WDFY4: variants seen among roughly 807,000 people sequenced by gnomAD.
The protein encoded by WDFY4 is WD repeat- and FYVE domain-containing protein 4.
Under a neutral mutation model 351.9 loss-of-function variants are expected in WDFY4, and 169 were observed. That is an observed-to-expected ratio of 0.48 (90% confidence interval 0.42 to 0.55). The LOEUF (loss-of-function observed/expected upper bound fraction) is 0.55. WDFY4 is among the 20% of genes least tolerant of loss of function. The pLI is 0.00. For missense variants in WDFY4, 3,803 were observed against 3,935.6 expected (o/e 0.97, Z 0.90); for synonymous variants, 1,622 against 1,574.6 (o/e 1.03, Z -0.71).
At chr10:48,836,905 T>C (rs1301253603) in intron 39 of WDFY4, among the ~76,000 whole-genome samples, 1 of 152,192 alleles carries the variant, frequency 6.6e-6, no homozygotes, top group Non-Finnish European at 1.5e-5. Context: ...TTCACAGCCG[T>C]GGATTCAGCT....
intron 15 of WDFY4, 76 bp from the exon 16 acceptor site, chr10:48,776,674 C>T: frequency 7.4e-7 from 1 of 1,342,640 alleles, no homozygotes; most frequent in Non-Finnish European, 9.9e-7. Context: ...GCGGCAGATA[C>T]TTTGGGGTTA....
rs868016308 is a variant in WDFY4, at chr10:48,787,819, T to C, written c.3809-711T>C. On this transcript the variant is annotated intron_variant, in intron 20 of 61. Transcript: ENST00000325239. ...CCTCCTCCTCCTCCTCTTCTTCTTC[T>C]TCTTCTTCTTCTTCTTCTTCTTCTT... Among the ~76,000 whole-genome samples the C allele has an allele frequency of 3.3e-3, 428 of 129,892 alleles. 32 individuals are homozygous for C. Among genetic ancestry groups the C allele is most frequent in the African/African-American group, 0.013 (363 of 27,984 alleles). The allele number at this position is 129,892 out of a possible 152,430, so 85.2% of individuals were successfully genotyped here.
intron 1 of WDFY4, among the ~76,000 whole-genome samples, chr10:48,702,579 G>A (rs1248455993): frequency 1.3e-5 from 2 of 152,148 alleles, no homozygotes; most frequent in East Asian, 1.9e-4. Flanking sequence ...CCTTTGTACT[G>A]TAGAGAGGGA....
intron 1 of WDFY4, among the ~76,000 whole-genome samples, chr10:48,695,095 G>A (rs2063297695): frequency 6.6e-6 from 1 of 152,238 alleles, no homozygotes. Flanking sequence ...GCTTTGCCTG[G>A]AGGACAAATG....
At chr10:48,846,425 C>T (rs2068778369) in intron 39 of WDFY4, among the ~76,000 whole-genome samples, 1 of 152,204 alleles carries the variant, frequency 6.6e-6, no homozygotes, top group African/African-American at 2.4e-5. Flanking sequence ...CATTTACTCC[C>T]TCACAAGAAC....
intron 24 of WDFY4, among the ~76,000 whole-genome samples, chr10:48,797,731 G>A: frequency 6.6e-6 from 1 of 152,054 alleles, no homozygotes; most frequent in East Asian, 1.9e-4. Context: ...TTATAGATGG[G>A]ACTTTTGTGC....
intron 39 of WDFY4, among the ~76,000 whole-genome samples, chr10:48,850,613 A>G (rs940995449): frequency 6.6e-6 from 1 of 152,228 alleles, no homozygotes; most frequent in Non-Finnish European, 1.5e-5. Flanking sequence ...TTACAGTAAC[A>G]AAAACTCTCA....
intron 43 of WDFY4, 146 bp from the exon 44 acceptor site, chr10:48,890,433 T>G: frequency 1.0e-6 from 1 of 999,386 alleles, no homozygotes; most frequent in Non-Finnish European, 1.5e-6. Flanking sequence ...AGTACAGTCC[T>G]GGGACAGCGG....
rs540814366 is a variant in WDFY4 at position 48,970,647 on chromosome 10, T to G, written c.8928+358T>G. Among the ~76,000 whole-genome samples, 14 of 152,352 alleles carry G rather than the reference T, an allele frequency of 9.2e-5. No individual in the cohort carries two copies. The East Asian group carries it at 2.7e-3, about 29-fold the overall frequency. On this transcript the variant is annotated intron_variant, in intron 57 of 61. Coordinates refer to ENST00000325239, the MANE Select transcript of WDFY4 (RefSeq NM_001394531.1). ...TCAGTTTCCTTACATCAGATAATAT[T>G]TTTTGAGCATTTTGCCACAAGTTGG...
In WDFY4 at chr10:48,912,782, A is replaced by G. The variant is rs76904680; in HGVS notation, c.7586+10919A>G. ...AGTCAGAGGTCTGCAGGTTTAGCCA[A>G]GAAAGCTCATAGAGCAAGTTATGCA... is the stretch of plus-strand genomic sequence containing the variant. On this transcript the variant is annotated intron_variant, in intron 47 of 61. Transcript: ENST00000325239. Among the ~76,000 whole-genome samples the G allele has an allele frequency of 8.3e-3, 1,271 of 152,376 alleles. 37 individuals are homozygous for G. The highest frequency in any genetic ancestry group is 0.048 in the Admixed American group (731 of 15,308).
chr10:48,906,550 A>G (rs935759395), intron 47 of WDFY4, among the ~76,000 whole-genome samples: 7 of 152,222 alleles, frequency 4.6e-5, no homozygotes, highest in African/African-American at 1.7e-4. Context: ...AACATATGCC[A>G]GCTAGAGCTG....
intron 1 of WDFY4, among the ~76,000 whole-genome samples, chr10:48,689,168 C>A (rs2063132819): frequency 6.6e-6 from 1 of 152,098 alleles, no homozygotes; most frequent in South Asian, 2.1e-4. Flanking sequence ...CACCTTAGAG[C>A]TGCTACCCGT....
At chr10:48,953,120 TC>T (rs1841410396) in intron 51 of WDFY4, among the ~76,000 whole-genome samples, 2 of 151,920 alleles carry the variant, frequency 1.3e-5, no homozygotes, top group African/African-American at 4.8e-5. Context: ...CCTCCTACCT[TC>T]CATAACTTCT....
At chr10:48,777,147 G>C (rs1333377547) in intron 16 of WDFY4, among the ~76,000 whole-genome samples, 163 bp downstream of exon 16, 5 of 152,204 alleles carry the variant, frequency 3.3e-5, no homozygotes, top group Non-Finnish European at 5.9e-5. Flanking sequence ...GGCCTCCCAG[G>C]GGCTGTGTCC....
At chr10:48,966,448 G>T in intron 54 of WDFY4, 78 bp from the exon 55 acceptor site, 1 of 1,439,610 alleles carries the variant, frequency 6.9e-7, no homozygotes, top group Non-Finnish European at 9.3e-7. Flanking sequence ...GAGACAGGGT[G>T]CAGCTACAGT....
chr10:48,886,331 T>G (rs542854652), intron 43 of WDFY4, among the ~76,000 whole-genome samples: 2 of 152,212 alleles, frequency 1.3e-5, no homozygotes, highest in Non-Finnish European at 2.9e-5. Context: ...TCCCAGTAGA[T>G]TGTTGTCTCC....
chr10:48,915,541 C>T (rs1387563070), intron 47 of WDFY4, among the ~76,000 whole-genome samples: 1 of 152,128 alleles, frequency 6.6e-6, no homozygotes, highest in East Asian at 1.9e-4. Flanking sequence ...TTCTGTACTT[C>T]ATCACCTGTA....
chr10:48,912,147 G>A (rs1157485718), intron 47 of WDFY4, among the ~76,000 whole-genome samples: 3 of 152,164 alleles, frequency 2.0e-5, no homozygotes, highest in East Asian at 3.8e-4. Context: ...GCCAGAGAAG[G>A]TTCTCAGCTA....
At chr10:48,834,486 A>T (rs1285595743) in intron 39 of WDFY4, among the ~76,000 whole-genome samples, 2 of 152,242 alleles carry the variant, frequency 1.3e-5, no homozygotes, top group African/African-American at 4.8e-5. Context: ...GACTGTTTAC[A>T]AATTCCATTT....
Sources: gnomAD v4.1 joint callset for allele counts (sites outside exome capture counted in the v4.1 genomes callset) on GRCh38, gnomAD v4.1.1 for gene constraint, MANE v1.5 for transcripts, NCBI Gene and HGNC (gene_info 2026-07-23, HGNC 2026-07-21) for gene names.